The following VIT variants were observed in gnomAD, a reference collection of about 807,000 sequenced individuals.
The protein encoded by VIT is vitrin.
Under a neutral mutation model 78.0 loss-of-function variants are expected in VIT, and 99 were observed. The observed-to-expected ratio is 1.27, with a 90% CI of 1.08 to 1.50. VIT has a LOEUF of 1.50. Ranked by LOEUF, VIT falls within the 40% of genes most tolerant of loss-of-function variation. The pLI is 0.00. For missense variants in VIT, 1,126 were observed against 875.3 expected (o/e 1.29, Z -3.61); for synonymous variants, 374 against 334.3 (o/e 1.12, Z -1.29).
intron 4 of VIT, among the ~76,000 whole-genome samples, chr2:36,750,229 C>T (rs975272692): frequency 2.8e-4 from 43 of 152,202 alleles, no homozygotes; most frequent in African/African-American, 9.9e-4. Flanking sequence ...AAAAGTTATA[C>T]AAATCTACGC....
At chr2:36,706,535 A>T (rs911684257) in intron 1 of VIT, among the ~76,000 whole-genome samples, 1 of 152,104 alleles carries the variant, frequency 6.6e-6, no homozygotes, top group African/African-American at 2.4e-5. Flanking sequence ...TATTCTCTCC[A>T]TCTCTCTCTG....
intron 14 of VIT, among the ~76,000 whole-genome samples, chr2:36,806,550 C>CT (rs886537083): frequency 7.9e-5 from 12 of 151,982 alleles, no homozygotes; most frequent in African/African-American, 2.9e-4. Flanking sequence ...ACCTTTATCT[C>CT]TTTTTTTCTT....
chr2:36,781,199 C>G (rs1222611080), intron 9 of VIT, among the ~76,000 whole-genome samples: 2 of 152,172 alleles, frequency 1.3e-5, no homozygotes, highest in East Asian at 3.9e-4. Flanking sequence ...GGAATTCAAA[C>G]AGGTGGGACA....
chr2:36,774,939 A>C, intron 8 of VIT, 63 bp from the exon 9 acceptor site: 1 of 1,594,568 alleles, frequency 6.3e-7, no homozygotes, highest in Non-Finnish European at 8.6e-7. Context: ...CGGGGGCAAA[A>C]TAAGGAAAGA....
Position 36,759,025 on chromosome 2 carries a change from A to T in VIT, c.466A>T (p.Lys156Ter). The T allele has an allele frequency of 6.2e-7, 1 of 1,614,162 alleles. No individual in the cohort carries two copies. Among genetic ancestry groups the T allele is most frequent in the Non-Finnish European group, 8.5e-7 (1 of 1,180,040 alleles). Reference protein sequence around the residue: ...YPSALTYSSSKSPAAQAGETT... With the variant: ...YPSALTYSSS Reference sequence around the variant, plus strand: ...ATCAGCTCTTACATACTCATCATCGAAAAGTCCAGCTGCCCAAGCAGGCAA... The same window carrying T: ...ATCAGCTCTTACATACTCATCATCGTAAAGTCCAGCTGCCCAAGCAGGCAA... The change falls in exon 6 of 16, where the codon AAA (lysine) becomes TAA (stop). Residue 156 changes from lysine to a stop codon, truncating the protein, a stop_gained. Coordinates refer to ENST00000379242, the MANE Select transcript of VIT (RefSeq NM_053276.4). LOFTEE classifies it high-confidence loss of function.
intron 6 of VIT, among the ~76,000 whole-genome samples, chr2:36,763,934 G>A (rs191103593): frequency 7.2e-5 from 11 of 152,228 alleles, no homozygotes; most frequent in Admixed American, 5.2e-4. Context: ...AACAGCCCAC[G>A]GAAGCCCGTG....
At chr2:36,805,801 G>C in intron 14 of VIT, 137 bp downstream of exon 14, 1 of 930,476 alleles carries the variant, frequency 1.1e-6, no homozygotes, top group Non-Finnish European at 1.6e-6. Context: ...TCCAGGGAGG[G>C]ACTGGTCAAT....
chr2:36,738,587 G>A (rs1196488044), intron 3 of VIT, among the ~76,000 whole-genome samples: 1 of 152,028 alleles, frequency 6.6e-6, no homozygotes, highest in African/African-American at 2.4e-5. Context: ...GAACAGCAGT[G>A]AACAAAACAG....
At chr2:36,707,593 C>A (rs12469190) in intron 1 of VIT, among the ~76,000 whole-genome samples, 4 of 151,876 alleles carry the variant, frequency 2.6e-5, no homozygotes, top group Non-Finnish European at 5.9e-5. Context: ...TGGGATCTGC[C>A]CGGGAGCTGT....
chr2:36,762,839 A>G (rs1363797063), intron 6 of VIT, among the ~76,000 whole-genome samples: 1 of 152,100 alleles, frequency 6.6e-6, no homozygotes, highest in Non-Finnish European at 1.5e-5. Context: ...AGGCACTTTG[A>G]TTTGCCCTGT....
chr2:36,814,028 A>T (rs1010561543), intron 15 of VIT, among the ~76,000 whole-genome samples, 155 bp from the exon 16 acceptor site: 8 of 152,170 alleles, frequency 5.3e-5, no homozygotes, highest in African/African-American at 1.9e-4. Flanking sequence ...TTATTCTGGA[A>T]ACCTAGAGGC....
intron 12 of VIT, among the ~76,000 whole-genome samples, chr2:36,799,347 G>T (rs569427252): frequency 6.6e-6 from 1 of 152,252 alleles, no homozygotes; most frequent in Non-Finnish European, 1.5e-5. Flanking sequence ...CATCCTTGAG[G>T]TTCCCACCTG....
intron 2 of VIT, among the ~76,000 whole-genome samples, chr2:36,723,797 A>G (rs1304484822): frequency 1.3e-5 from 2 of 152,042 alleles, no homozygotes; most frequent in Non-Finnish European, 2.9e-5. Context: ...ATAAAAAATA[A>G]AAAAGTAGCC....
Position 36,729,483 on chromosome 2 carries a change from C to A in VIT, c.110C>A (p.Pro37His). The A allele has an allele frequency of 1.2e-6, 2 of 1,607,032 alleles. No individual in the cohort carries two copies. The highest frequency in any genetic ancestry group is 1.1e-5 in the South Asian group (1 of 88,842). The change falls in exon 3 of 16, where the codon CCC becomes CAC. Residue 37 changes from proline to histidine, a missense_variant. By Grantham distance (77) the Pro-to-His change is moderately conservative. Coordinates refer to ENST00000379242, the MANE Select transcript of VIT (RefSeq NM_053276.4). ...NKETAKKIKR[P>H]KFTVPQINCD... ...GAAACGGCAAAGAAGATTAAAAGGC[C>A]CAAGTTCAGTAAGTAAAATCACAAT...
chr2:36,797,373 A>G (rs1289226027), intron 12 of VIT, among the ~76,000 whole-genome samples: 2 of 152,232 alleles, frequency 1.3e-5, no homozygotes, highest in African/African-American at 2.4e-5. Flanking sequence ...GGCAATATTC[A>G]GGAAAGAGAT....
intron 6 of VIT, among the ~76,000 whole-genome samples, chr2:36,761,944 G>C (rs1043057422): frequency 6.6e-6 from 1 of 152,136 alleles, no homozygotes; most frequent in Admixed American, 6.5e-5. Flanking sequence ...GACCTTGAGA[G>C]AGGTTTAGTA....
chr2:36,812,996 G>C (rs1400173659), intron 15 of VIT, among the ~76,000 whole-genome samples: 1 of 146,280 alleles, frequency 6.8e-6, no homozygotes, highest in East Asian at 2.0e-4. Flanking sequence ...CGAGTAGCTG[G>C]GACTACAGGC....
At chr2:36,770,116 T>C (rs1348748155) in intron 7 of VIT, among the ~76,000 whole-genome samples, 1 of 152,168 alleles carries the variant, frequency 6.6e-6, no homozygotes, top group East Asian at 1.9e-4. Flanking sequence ...GGACAGGGTG[T>C]TCAAGCAAAA....
intron 1 of VIT, among the ~76,000 whole-genome samples, chr2:36,698,155 T>A (rs1241595145): frequency 4.7e-4 from 1 of 2,110 alleles, no homozygotes; most frequent in Non-Finnish European, 0.029. Context: ...AGACTTGCAT[T>A]TTTTTATTGC....
Sources: gnomAD v4.1 joint callset for allele counts (sites outside exome capture counted in the v4.1 genomes callset) on GRCh38, gnomAD v4.1.1 for gene constraint, MANE v1.5 for transcripts, NCBI Gene and HGNC (gene_info 2026-07-23, HGNC 2026-07-21) for gene names.